Variants in STS observed in about 807,000 individuals in gnomAD.
STS encodes steroid sulfatase.
STS carries 7 observed loss-of-function variants against 26.8 expected under a neutral mutation model. The observed-to-expected ratio is 0.26, with a 90% CI of 0.15 to 0.49. The LOEUF is 0.49. STS is among the 20% of genes least tolerant of loss of function. The pLI, the probability that STS is intolerant of heterozygous loss-of-function variation, is 0.98. For missense variants in STS, 434 were observed against 465.6 expected, an observed-to-expected ratio of 0.93 and a Z score of 0.63; for synonymous variants, 199 against 189.4, an observed-to-expected ratio of 1.05 and a Z score of -0.42.
At position 7,240,533 on chromosome X, in the gene STS, G is replaced by GTGTA. The variant is rs1373072915; in HGVS notation, c.-4-12662_-4-12661insGTAT. On this transcript the variant is annotated intron_variant, in intron 2 of 10. Coordinates refer to ENST00000674429, the MANE Select transcript of STS (RefSeq NM_001320752.2). ...TGTGTGTGTGTGTGTGTGTGTGTGT[G>GTGTA]TATATATATATATATATATAAAATG... is the stretch of plus-strand genomic sequence containing the variant. Among the ~76,000 whole-genome samples the GTGTA allele has an allele frequency of 4.0e-3, 243 of 60,492 alleles. 1 individual carries two copies. Among genetic ancestry groups the GTGTA allele is most frequent in the African/African-American group, 0.013 (203 of 15,315 alleles). 52.5% of individuals were successfully genotyped at this position (60,492 alleles called of 115,157 possible).
rs1213612888 is a variant in STS at position 7,353,619 on chromosome X, A to G, written c.*3358A>G. On this transcript the variant is annotated 3_prime_UTR_variant, in exon 11 of 11. Coordinates refer to ENST00000674429, the MANE Select transcript of STS (RefSeq NM_001320752.2). Reference sequence around the variant, plus strand: ...TATTATTCTCTCTTCTCTTTGTTTCAACTGGATTCCTTTGGAAAACCAAAC... The same window carrying G: ...TATTATTCTCTCTTCTCTTTGTTTCGACTGGATTCCTTTGGAAAACCAAAC... 1.8e-5 allele frequency: 2 copies of G among 111,026 alleles called. No homozygotes were observed. The highest frequency in any genetic ancestry group is 3.8e-5 in the Non-Finnish European group (2 of 53,005). The allele number at this position is 111,026 out of a possible 1,213,427, so 9.1% of individuals were successfully genotyped here.
At chrX:7,337,361 T>C (rs1347413050) in intron 10 of STS, among the ~76,000 whole-genome samples, 1 of 112,148 alleles carries the variant, frequency 8.9e-6, no homozygotes, top group Non-Finnish European at 1.9e-5. Context: ...CACTGCTAGC[T>C]GTACAATGTG....
chrX:7,149,864 G>T (rs953331380), intron 1 of STS, among the ~76,000 whole-genome samples: 4 of 111,327 alleles, frequency 3.6e-5, no homozygotes, highest in Non-Finnish European at 5.7e-5. Flanking sequence ...CCTTTTATAA[G>T]AACACGATTC....
rs978344884 is a variant in STS, at chrX:7,176,749, A to G, written c.-133-14131A>G. ...CTTGTGAGAACTTACTCGCTAACACAAGAATAGCATGGGGAAACCACCCCC... is the reference window on the plus strand; with the variant it reads ...CTTGTGAGAACTTACTCGCTAACACGAGAATAGCATGGGGAAACCACCCCC... On this transcript the variant is annotated intron_variant, in intron 1 of 10. Coordinates refer to ENST00000674429, the MANE Select transcript of STS (RefSeq NM_001320752.2). Among the ~76,000 whole-genome samples the G allele has an allele frequency of 4.5e-5, 5 of 111,048 alleles. No individual in the cohort carries two copies. The Admixed American group carries it at 4.8e-4, about 11-fold the overall frequency.
chrX:7,277,212 T>G (rs142436279), intron 7 of STS, among the ~76,000 whole-genome samples: 2 of 112,465 alleles, frequency 1.8e-5, no homozygotes, highest in East Asian at 5.6e-4. Context: ...AGAGATCATT[T>G]TGTCCATATT....
intron 1 of STS, among the ~76,000 whole-genome samples, chrX:7,187,101 C>T (rs768201977): frequency 1.8e-3 from 203 of 112,061 alleles, no homozygotes; most frequent in African/African-American, 5.5e-3. Context: ...GTGTGTCAGC[C>T]ATCAAAACTA....
chrX:7,245,886 C>T (rs1922844444), intron 2 of STS, among the ~76,000 whole-genome samples: 2 of 112,151 alleles, frequency 1.8e-5, no homozygotes, highest in Non-Finnish European at 3.8e-5. Flanking sequence ...CCGCACCTCA[C>T]TCCAATATGA....
chrX:7,219,580 C>G, intron 2 of STS: 1 of 1,209,472 alleles, frequency 8.3e-7, no homozygotes. Flanking sequence ...ATTAAACTCC[C>G]ACTGGTGCAG....
chrX:7,267,472 T>C (rs1268694817), intron 6 of STS, among the ~76,000 whole-genome samples: 1 of 112,306 alleles, frequency 8.9e-6, no homozygotes, highest in Non-Finnish European at 1.9e-5. Context: ...TGCTGGTGGG[T>C]AGAATGAGAT....
chrX:7,261,996 G>A (rs1485001685), intron 6 of STS, among the ~76,000 whole-genome samples: 1 of 112,114 alleles, frequency 8.9e-6, no homozygotes, highest in Non-Finnish European at 1.9e-5. Context: ...ATATAAACTG[G>A]TCATTGGTCA....
intron 1 of STS, among the ~76,000 whole-genome samples, chrX:7,152,385 C>T (rs1039373874): frequency 9.9e-5 from 11 of 111,184 alleles, no homozygotes; most frequent in Non-Finnish European, 1.7e-4. Flanking sequence ...GGCGTGAAGT[C>T]GGCTCACTGC....
chrX:7,297,071 A>G (rs1925701827), intron 7 of STS, among the ~76,000 whole-genome samples: 1 of 112,052 alleles, frequency 8.9e-6, no homozygotes, highest in Non-Finnish European at 1.9e-5. Context: ...ATTATTTACT[A>G]TGTTTGAAAG....
intron 2 of STS, among the ~76,000 whole-genome samples, chrX:7,240,529 GTGTGTATA>G (rs57918834): frequency 0.24 from 10,800 of 45,589 alleles, 949 homozygotes; most frequent in Admixed American, 0.39. Context: ...GTGTGTGTGT[GTGTGTATA>G]TATATATATA....
intron 2 of STS, among the ~76,000 whole-genome samples, chrX:7,232,984 T>C (rs1922134608): frequency 9.0e-6 from 1 of 111,171 alleles, no homozygotes; most frequent in African/African-American, 3.3e-5. Context: ...GCCATCACCT[T>C]CCGCCATGAT....
At chrX:7,309,242 C>T (rs906894884) in intron 8 of STS, among the ~76,000 whole-genome samples, 1 of 111,607 alleles carries the variant, frequency 9.0e-6, no homozygotes, top group Non-Finnish European at 1.9e-5. Flanking sequence ...TCTTTTGTAA[C>T]TTGGATGGAG....
chrX:7,289,263 G>C (rs1324823039), intron 7 of STS, among the ~76,000 whole-genome samples: 3 of 111,286 alleles, frequency 2.7e-5, no homozygotes, highest in African/African-American at 9.8e-5. Context: ...GCTTCCCTTG[G>C]TCCCATGGGG....
chrX:7,294,867 T>G (rs1925591495), intron 7 of STS, among the ~76,000 whole-genome samples: 1 of 111,693 alleles, frequency 9.0e-6, no homozygotes, highest in African/African-American at 3.3e-5. Flanking sequence ...ACAAGTCTGT[T>G]TGGACCAATG....
upstream of STS, among the ~76,000 whole-genome samples, chrX:7,147,567 A>C (rs1044287656): frequency 8.9e-6 from 1 of 112,375 alleles, no homozygotes; most frequent in Admixed American, 9.3e-5. Flanking sequence ...TGCTACCATC[A>C]AAGTGCGCCC....
intron 9 of STS, 66 bp downstream of exon 9, chrX:7,325,564 T>G: frequency 8.6e-7 from 1 of 1,163,483 alleles, no homozygotes; most frequent in Non-Finnish European, 1.2e-6. Context: ...TGCTCTGGTT[T>G]GCCTGCATAA....
Sources: allele counts gnomAD v4.1 joint callset (sites outside exome capture counted in the v4.1 genomes callset), GRCh38; gene constraint gnomAD v4.1.1; transcripts MANE v1.5; gene names NCBI Gene and HGNC (gene_info 2026-07-23, HGNC 2026-07-21).